Variants in FBXO34 observed in about 807,000 individuals in gnomAD.
FBXO34 encodes the protein F-box only protein 34.
Under a neutral mutation model 24.5 loss-of-function variants are expected in FBXO34, and 12 were observed. That is an observed-to-expected ratio of 0.49 (90% CI 0.31 to 0.79). The LOEUF is 0.79. FBXO34 is among the 30% of genes least tolerant of loss of function. The pLI, the probability that FBXO34 is intolerant of heterozygous loss-of-function variation, is 0.04. For synonymous variants in FBXO34, 320 were observed against 311.9 expected (o/e 1.03, Z -0.27); for missense variants, 823 against 857.7 (o/e 0.96, Z 0.51).
chr14:55,425,192 G>C, the FBXO34 span, among the ~76,000 whole-genome samples: 1 of 152,132 alleles, frequency 6.6e-6, no homozygotes, highest in Non-Finnish European at 1.5e-5. Context: ...AAGTATAGGA[G>C]GTCATTGTGG....
chr14:55,365,205 T>C (rs1258365112), downstream of FBXO34, among the ~76,000 whole-genome samples: 1 of 142,116 alleles, frequency 7.0e-6, no homozygotes, highest in Non-Finnish European at 1.5e-5. Context: ...AGTGAGACTC[T>C]ATCATCTCTT....
At chr14:55,402,034 A>T in the FBXO34 span, among the ~76,000 whole-genome samples, 1 of 152,172 alleles carries the variant, frequency 6.6e-6, no homozygotes, top group Non-Finnish European at 1.5e-5. Flanking sequence ...AACTGAGTGG[A>T]CCTAACCACA....
At chr14:55,319,694 T>A (rs1883060364) in intron 1 of FBXO34, among the ~76,000 whole-genome samples, 1 of 152,200 alleles carries the variant, frequency 6.6e-6, no homozygotes, top group Admixed American at 6.5e-5. Flanking sequence ...CTTTCTTTTT[T>A]TAGATGGAGT....
the FBXO34 span, among the ~76,000 whole-genome samples, chr14:55,402,427 A>G: frequency 2.6e-3 from 394 of 152,322 alleles, 1 homozygote; most frequent in Admixed American, 5.9e-3. Context: ...CAAAGAATCT[A>G]TCCTAAGAAA....
At chr14:55,326,598 G>C (rs1001698746) in intron 1 of FBXO34, among the ~76,000 whole-genome samples, 1 of 152,156 alleles carries the variant, frequency 6.6e-6, no homozygotes, top group African/African-American at 2.4e-5. Flanking sequence ...TTTAGAGAGC[G>C]TAAGAAATAA....
At chr14:55,343,767 C>T (rs1884068861) in intron 1 of FBXO34, among the ~76,000 whole-genome samples, 1 of 152,184 alleles carries the variant, frequency 6.6e-6, no homozygotes, top group African/African-American at 2.4e-5. Flanking sequence ...GAAATATCGT[C>T]CTTTCTCCTT....
intron 1 of FBXO34, among the ~76,000 whole-genome samples, chr14:55,336,487 AC>A (rs1883778521): frequency 6.6e-6 from 1 of 150,662 alleles, no homozygotes; most frequent in South Asian, 2.3e-4. Context: ...CACTGTATGT[AC>A]ATAATGAACA....
intron 1 of FBXO34, among the ~76,000 whole-genome samples, chr14:55,308,090 G>GT (rs1276903542): frequency 6.6e-6 from 1 of 152,204 alleles, no homozygotes; most frequent in African/African-American, 2.4e-5. Context: ...GTGTTGCCGT[G>GT]TAAGAGTGAC....
At chr14:55,411,802 C>G in the FBXO34 span, 2 of 1,597,620 alleles carry the variant, frequency 1.3e-6, no homozygotes, top group South Asian at 1.1e-5. Context: ...CCCGGGCTCC[C>G]TTCCCACTGG....
the FBXO34 span, among the ~76,000 whole-genome samples, chr14:55,412,222 G>A: frequency 6.6e-6 from 1 of 152,194 alleles, no homozygotes; most frequent in Non-Finnish European, 1.5e-5. Context: ...AACAAAGTAG[G>A]GTGAAGGGGC....
At chr14:55,379,861 C>G in the FBXO34 span, among the ~76,000 whole-genome samples, 9 of 152,324 alleles carry the variant, frequency 5.9e-5, no homozygotes, top group Admixed American at 5.2e-4. Context: ...AGCTGGGATA[C>G]AGGCGCAGGC....
At chr14:55,358,689 G>A (rs1244246591) in intron 3 of FBXO34, among the ~76,000 whole-genome samples, 4 of 152,218 alleles carry the variant, frequency 2.6e-5, no homozygotes, top group African/African-American at 9.6e-5. Flanking sequence ...GCAGGAGCTG[G>A]TGCAGAGGCC....
chr14:55,373,826 T>G (rs1884868758), downstream of FBXO34, among the ~76,000 whole-genome samples: 1 of 152,010 alleles, frequency 6.6e-6, no homozygotes, highest in Non-Finnish European at 1.5e-5. Flanking sequence ...AAAAAGTTTA[T>G]CTTTTCAGAA....
chr14:55,362,690 C>T (rs1485665783), downstream of FBXO34, among the ~76,000 whole-genome samples: 1 of 152,150 alleles, frequency 6.6e-6, no homozygotes, highest in African/African-American at 2.4e-5. Flanking sequence ...AACTGCTGAT[C>T]ACAGAAGATA....
chr14:55,323,974 T>C (rs1433642953), intron 1 of FBXO34, among the ~76,000 whole-genome samples: 3 of 152,196 alleles, frequency 2.0e-5, no homozygotes, highest in Non-Finnish European at 4.4e-5. Context: ...CACTGGTGTT[T>C]AGTGTATTCA....
At chr14:55,431,032 G>C in the FBXO34 span, among the ~76,000 whole-genome samples, 1 of 152,126 alleles carries the variant, frequency 6.6e-6, no homozygotes, top group Admixed American at 6.5e-5. Context: ...TTAGAAAGTA[G>C]TTTAAAAATC....
chr14:55,388,340 T>A, the FBXO34 span, among the ~76,000 whole-genome samples: 5 of 152,354 alleles, frequency 3.3e-5, no homozygotes, highest in Admixed American at 6.5e-5. Context: ...AAATTTATTA[T>A]CATGACCACT....
intron 1 of FBXO34, among the ~76,000 whole-genome samples, chr14:55,347,143 C>T (rs924080271): frequency 6.6e-6 from 1 of 152,130 alleles, no homozygotes; most frequent in African/African-American, 2.4e-5. Context: ...TACTTTATTG[C>T]AAGAGAGCAG....
chr14:55,425,026 T>TG, the FBXO34 span, among the ~76,000 whole-genome samples: 1 of 152,108 alleles, frequency 6.6e-6, no homozygotes, highest in African/African-American at 2.4e-5. Flanking sequence ...ATCCAAGCAA[T>TG]GGAACACTAG....
Sources: allele counts gnomAD v4.1 joint callset (sites outside exome capture counted in the v4.1 genomes callset), GRCh38; gene constraint gnomAD v4.1.1; transcripts MANE v1.5; gene names NCBI Gene and HGNC (gene_info 2026-07-23, HGNC 2026-07-21).